ARL15: variants seen among roughly 807,000 people sequenced by gnomAD.
The protein encoded by ARL15 is ADP-ribosylation factor-like protein 15.
Under a neutral mutation model 25.2 loss-of-function variants are expected in ARL15, and 19 were observed. The observed-to-expected ratio is 0.75, with a 90% CI of 0.53 to 1.10. The LOEUF (loss-of-function observed/expected upper bound fraction) is 1.10. Among genes scored for constraint, ARL15 ranks in the 50% least tolerant of loss-of-function variants. The probability of loss-of-function intolerance (pLI) is 0.00; values close to 1 mark genes in which losing one functional copy is unlikely to be tolerated. For missense variants in ARL15, 220 were observed against 246.0 expected, an observed-to-expected ratio of 0.89 and a Z score of 0.71; for synonymous variants, 94 against 86.8, an observed-to-expected ratio of 1.08 and a Z score of -0.46.
At chr5:54,189,320 A>G (rs1281106833) in intron 1 of ARL15, among the ~76,000 whole-genome samples, 3 of 152,330 alleles carry the variant, frequency 2.0e-5, no homozygotes, top group African/African-American at 7.2e-5. Context: ...TAAAATTCAT[A>G]TAGAATCACA....
chr5:54,168,398 A>G (rs1400410478), intron 2 of ARL15, among the ~76,000 whole-genome samples: 5 of 108,312 alleles, frequency 4.6e-5, no homozygotes, highest in Non-Finnish European at 9.5e-5. Flanking sequence ...CATTCTCCCT[A>G]CTTTTTTTTT....
intron 3 of ARL15, among the ~76,000 whole-genome samples, chr5:54,120,215 A>C (rs1379957119): frequency 6.6e-6 from 1 of 152,218 alleles, no homozygotes; most frequent in Non-Finnish European, 1.5e-5. Flanking sequence ...GCTTGAGTAA[A>C]GTTATTAGCA....
intron 4 of ARL15, among the ~76,000 whole-genome samples, chr5:53,958,966 A>T (rs1435055208): frequency 6.6e-6 from 1 of 152,216 alleles, no homozygotes; most frequent in African/African-American, 2.4e-5. Flanking sequence ...ATAATTGGGG[A>T]CATCAATACC....
intron 4 of ARL15, among the ~76,000 whole-genome samples, chr5:53,977,432 G>C (rs1189107963): frequency 6.6e-6 from 1 of 150,822 alleles, no homozygotes; most frequent in African/African-American, 2.4e-5. Context: ...CTTTTACATA[G>C]TAATTTTTCC....
intron 1 of ARL15, among the ~76,000 whole-genome samples, chr5:54,187,542 T>A (rs1301823965): frequency 6.6e-6 from 1 of 152,212 alleles, no homozygotes; most frequent in African/African-American, 2.4e-5. Flanking sequence ...GTCTTGGGAA[T>A]GGCTAAGAGT....
rs547242834 is a variant in ARL15 at position 53,914,933 on chromosome 5, C to A, written c.463-28220G>T. Among the ~76,000 whole-genome samples the A allele has an allele frequency of 4.1e-3, 618 of 152,312 alleles. 9 individuals carry two copies. Among genetic ancestry groups the A allele is most frequent in the African/African-American group, 0.014 (587 of 41,568 alleles). On this transcript the variant is annotated intron_variant, in intron 4 of 4. Coordinates refer to ENST00000504924, the MANE Select transcript of ARL15 (RefSeq NM_019087.3). ...TCAAGCAATTCTCCTGCCTCAGCCTCCCAAGTAGCTGGAATTACAGGCATG... is the reference window on the plus strand; with the variant it reads ...TCAAGCAATTCTCCTGCCTCAGCCTACCAAGTAGCTGGAATTACAGGCATG...
At chr5:54,183,541 A>G (rs1028620017) in intron 1 of ARL15, among the ~76,000 whole-genome samples, 6 of 147,994 alleles carry the variant, frequency 4.1e-5, no homozygotes, top group African/African-American at 1.3e-4. Flanking sequence ...GTGCTGCTGG[A>G]TTCGGTTTGC....
At chr5:54,211,306 T>C (rs1756034912) in intron 1 of ARL15, among the ~76,000 whole-genome samples, 1 of 152,116 alleles carries the variant, frequency 6.6e-6, no homozygotes, top group South Asian at 2.1e-4. Context: ...GCTGTAGAGC[T>C]GTTCTATCGG....
intron 4 of ARL15, among the ~76,000 whole-genome samples, chr5:54,060,468 TGGGAGTTTCCCAA>T (rs1184889980): frequency 1.3e-5 from 2 of 152,152 alleles, no homozygotes; most frequent in Non-Finnish European, 2.9e-5. Context: ...TAAAAAAACA[TGGGAGTTTCCCAA>T]GGGAGTTTCC....
chr5:53,948,835 A>G (rs978448746), intron 4 of ARL15, among the ~76,000 whole-genome samples: 1 of 152,196 alleles, frequency 6.6e-6, no homozygotes, highest in Non-Finnish European at 1.5e-5. Context: ...TTCACTGAGA[A>G]GTACTGCACT....
At position 53,978,112 on chromosome 5, in the gene ARL15, G is replaced by A. The variant is rs147326584; in HGVS notation, c.463-91399C>T. ...CCAAACATTTCAATGTAAAGAAAGG[G>A]GGAAAAAAAGGAACCTAGGGAAGAA... On this transcript the variant is annotated intron_variant, in intron 4 of 4. Transcript: ENST00000504924. 9.9e-5 allele frequency among the ~76,000 whole-genome samples: 15 copies of A among 152,154 alleles called. 1 individual carries two copies. The East Asian group carries it at 2.9e-3, about 29-fold the overall frequency.
At chr5:53,946,983 T>C (rs1746756228) in intron 4 of ARL15, among the ~76,000 whole-genome samples, 1 of 152,188 alleles carries the variant, frequency 6.6e-6, no homozygotes, top group Admixed American at 6.5e-5. Context: ...ATCATGTATG[T>C]GGGATCTCAT....
chr5:54,215,197 A>G (rs959780146), intron 1 of ARL15, among the ~76,000 whole-genome samples: 1 of 152,090 alleles, frequency 6.6e-6, no homozygotes, highest in African/African-American at 2.4e-5. Flanking sequence ...CTCACATTCA[A>G]CAAGACTTTT....
At chr5:54,015,008 C>T (rs115999603) in intron 4 of ARL15, among the ~76,000 whole-genome samples, 7 of 151,932 alleles carry the variant, frequency 4.6e-5, no homozygotes, top group Admixed American at 1.3e-4. Context: ...ATTCCTAAAC[C>T]CAGGCCAGGC....
intron 4 of ARL15, among the ~76,000 whole-genome samples, chr5:53,895,182 C>T (rs972388260): frequency 6.6e-6 from 1 of 152,160 alleles, no homozygotes; most frequent in Non-Finnish European, 1.5e-5. Context: ...TGGGAGGAGC[C>T]TGGGGCATCA....
At chr5:54,154,510 A>G (rs1754162482) in intron 3 of ARL15, 70 bp downstream of exon 3, 1 of 954,810 alleles carries the variant, frequency 1.0e-6, no homozygotes, top group Non-Finnish European at 1.6e-6. Flanking sequence ...TGTTTGAATT[A>G]CATATAATAC....
chr5:54,121,944 T>C (rs1258776729), intron 3 of ARL15, among the ~76,000 whole-genome samples: 1 of 152,206 alleles, frequency 6.6e-6, no homozygotes, highest in African/African-American at 2.4e-5. Flanking sequence ...GTTACTATTA[T>C]CATTTGTCCA....
Position 54,269,151 on chromosome 5 carries a change from G to A in ARL15, c.48+41281C>T, listed in dbSNP as rs188284104. Among the ~76,000 whole-genome samples the A allele has an allele frequency of 5.5e-3, 843 of 152,068 alleles. 12 individuals carry two copies. The highest frequency in any genetic ancestry group is 0.019 in the African/African-American group (800 of 41,476). ...ACGAGTTAATGGGTGCAGCACACCA[G>A]CATGGCACATGTATACATATGTAAA... On this transcript the variant is annotated intron_variant, in intron 1 of 4. Transcript: ENST00000504924.
At chr5:53,901,919 T>C (rs527893443) in intron 4 of ARL15, among the ~76,000 whole-genome samples, 1 of 152,306 alleles carries the variant, frequency 6.6e-6, no homozygotes, top group Admixed American at 6.5e-5. Context: ...GCTTTTGTGT[T>C]ACAGAAAACA....
Sources: gnomAD v4.1 joint callset for allele counts (sites outside exome capture counted in the v4.1 genomes callset) on GRCh38, gnomAD v4.1.1 for gene constraint, MANE v1.5 for transcripts, NCBI Gene and HGNC (gene_info 2026-07-23, HGNC 2026-07-21) for gene names.